DVL1: variants seen among roughly 807,000 people sequenced by gnomAD.
DVL1 encodes the protein dishevelled segment polarity protein 1.
DVL1 carries 49 observed loss-of-function variants against 65.0 expected under a neutral mutation model. The ratio of observed to expected loss-of-function variants is 0.75; its 90% CI spans 0.60 to 0.96. The LOEUF (loss-of-function observed/expected upper bound fraction) is 0.96, where lower values mean the gene tolerates loss of function less well. Ranked by LOEUF, DVL1 falls within the 40% of genes least tolerant of loss-of-function variation. The pLI, the probability that DVL1 is intolerant of heterozygous loss-of-function variation, is 0.00. For missense variants in DVL1, 1,197 were observed against 1,045.4 expected, an observed-to-expected ratio of 1.15 and a Z score of -2.00; for synonymous variants, 608 against 433.9, an observed-to-expected ratio of 1.40 and a Z score of -4.99.
intron 13 of DVL1, 40 bp downstream of exon 13, chr1:1,338,229 T>TGGCCCCCCCCCC: frequency 6.6e-6 from 10 of 1,522,342 alleles, no homozygotes; most frequent in Non-Finnish European, 9.0e-6. Flanking sequence ...CCTCCGGCGT[T>TGGCCCCCCCCCC]CCCCTCCCCC....
intron 1 of DVL1, among the ~76,000 whole-genome samples, chr1:1,346,852 TC>T (rs1485089157): frequency 6.6e-6 from 1 of 151,974 alleles, no homozygotes; most frequent in African/African-American, 2.4e-5. Context: ...TGCCTTCTCT[TC>T]CCCCCATCTC....
intron 1 of DVL1, among the ~76,000 whole-genome samples, chr1:1,347,744 GC>G (rs1643939304): frequency 6.6e-6 from 1 of 152,130 alleles, no homozygotes; most frequent in African/African-American, 2.4e-5. Flanking sequence ...AAAACAAACC[GC>G]CCCCTCCTGC....
chr1:1,347,013 G>A (rs1437612971), intron 1 of DVL1, among the ~76,000 whole-genome samples: 9 of 152,182 alleles, frequency 5.9e-5, no homozygotes, highest in Admixed American at 3.3e-4. Context: ...CAGGGGAAGG[G>A]ATGAAGGAAG....
In DVL1 at chr1:1,349,327, A is replaced by T. The variant is rs1204035887; in HGVS notation, c.-262T>A. ...GAGCGGCGCGAGGGACGCAGCACGGAGGGCGCGCTCAGCCCCGCCGCCCTC... is the reference window on the plus strand; with the variant it reads ...GAGCGGCGCGAGGGACGCAGCACGGTGGGCGCGCTCAGCCCCGCCGCCCTC... On this transcript the variant is annotated 5_prime_UTR_variant, in exon 1 of 15. Coordinates refer to ENST00000378888, the MANE Select transcript of DVL1 (RefSeq NM_001330311.2). This position sits in a 1 kb window ranked among gnomAD's most constrained non-coding sequence, Gnocchi z 4.1. The T allele has an allele frequency of 7.0e-6, 1 of 142,256 alleles. No homozygotes were observed. Among genetic ancestry groups the T allele is most frequent in the African/African-American group, 2.5e-5 (1 of 39,270 alleles). The allele number at this position is 142,256 out of a possible 1,614,324, so 8.8% of individuals were successfully genotyped here.
chr1:1,342,212 C>T (rs774885182), intron 3 of DVL1, 56 bp from the exon 4 acceptor site: 25 of 1,512,112 alleles, frequency 1.7e-5, no homozygotes, highest in South Asian at 2.4e-5. Flanking sequence ...CCTCAGATGC[C>T]GCCCAGCCCA....
rs748722472 is a variant in DVL1, at chr1:1,340,398, C to G, written c.699+12G>C. 2 of 1,611,738 alleles carry G rather than the reference C, an allele frequency of 1.2e-6. No homozygotes were observed. Among genetic ancestry groups the G allele is most frequent in the Non-Finnish European group, 1.7e-6 (2 of 1,179,336 alleles). ...CCTCCCCAGCCCCGCCCTGCTCCAC[C>G]CGGCTGCCTACCCGGTCCGCCTGCC... On this transcript the variant is annotated intron_variant, in intron 6 of 14. Transcript: ENST00000378888.
chr1:1,340,579 A>C (rs1643765024), intron 5 of DVL1, 76 bp from the exon 6 acceptor site: 1 of 1,474,304 alleles, frequency 6.8e-7, no homozygotes, highest in Non-Finnish European at 9.3e-7. Flanking sequence ...CCCAATACTG[A>C]GTGGGAATCG....
In DVL1 at chr1:1,345,455, G is replaced by A. The variant is rs745655746; in HGVS notation, c.171-2697C>T. Among the ~76,000 whole-genome samples the A allele has an allele frequency of 1.2e-3, 177 of 152,314 alleles. 1 individual carries two copies. The highest frequency in any genetic ancestry group is 1.9e-3 in the South Asian group (9 of 4,832). On this transcript the variant is annotated intron_variant, in intron 1 of 14. Coordinates refer to ENST00000378888, the MANE Select transcript of DVL1 (RefSeq NM_001330311.2). ...CCCCAGCCAGATGGGGGAGGGTGCT[G>A]GAGGCTGGCCAGGCATTGGGGGCGT... is the stretch of plus-strand genomic sequence containing the variant.
chr1:1,338,357 G>A lies in DVL1; in HGVS notation c.1419C>T (p.Ser473=). 2 of 1,612,504 alleles carry A rather than the reference G, an allele frequency of 1.2e-6. No homozygotes were observed. The highest frequency in any genetic ancestry group is 2.2e-5 in the South Asian group (2 of 91,084). Reference sequence around the variant, plus strand: ...GCCGCAGGAAGCCGTGCTTCAGCAAGCTGCTGGCGTACTTCCGGGCCTCCC... The same window carrying A: ...GCCGCAGGAAGCCGTGCTTCAGCAAACTGCTGGCGTACTTCCGGGCCTCCC... The part of the protein sequence containing the change: ...ERREARKYAS[S]LLKHGFLRHT... Residue 473 remains serine (S), a synonymous_variant, in exon 13 of 15, where the codon AGC becomes AGT. Transcript: ENST00000378888.
intron 11 of DVL1, 149 bp downstream of exon 11, chr1:1,339,138 C>T (rs891551529): frequency 1.8e-6 from 2 of 1,116,958 alleles, no homozygotes; most frequent in Admixed American, 2.4e-5. Flanking sequence ...GCACGGGTGC[C>T]TGTGCACACG....
chr1:1,342,043 A>C lies in DVL1; in HGVS notation c.466+10T>G. 6.4e-7 allele frequency: 1 copy of C among 1,559,598 alleles called. No homozygotes were observed. Among genetic ancestry groups the C allele is most frequent in the Non-Finnish European group, 8.7e-7 (1 of 1,150,226 alleles). On this transcript the variant is annotated intron_variant, in intron 4 of 14. Coordinates refer to ENST00000378888, the MANE Select transcript of DVL1 (RefSeq NM_001330311.2). ...GGGGGTCCACAGCTGGGCAGACATGACCACTGTACCCTCCTCGCGGTTCCG... is the reference window on the plus strand; with the variant it reads ...GGGGGTCCACAGCTGGGCAGACATGCCCACTGTACCCTCCTCGCGGTTCCG...
rs927377902 is a variant in DVL1 at position 1,342,222 on chromosome 1, A to G, written c.363-66T>C. 12 of 1,508,078 alleles carry G rather than the reference A, an allele frequency of 8.0e-6. No homozygotes were observed. The African/African-American group carries it at 1.7e-4, about 21-fold the overall frequency. The allele number at this position is 1,508,078 out of a possible 1,614,324, so 93.4% of individuals were successfully genotyped here. A position where few individuals can be genotyped will look rare whatever the true frequency, so the allele number is the denominator to read the frequency against. On this transcript the variant is annotated intron_variant, in intron 3 of 14. Transcript: ENST00000378888. ...CAGCCCCTCAGATGCCGCCCAGCCCAGCCTCCCCTCGCCTGTGGGACCCCA... is the reference window on the plus strand; with the variant it reads ...CAGCCCCTCAGATGCCGCCCAGCCCGGCCTCCCCTCGCCTGTGGGACCCCA...
rs1158841864 is a variant in DVL1, at chr1:1,340,256, G to A, written c.760C>T (p.Leu254Phe). ...CGCCCCGAGGCCTCACCCATGTTGAGCGTGACAGTGACGATGTTGAGGGAC... is the reference window on the plus strand; with the variant it reads ...CGCCCCGAGGCCTCACCCATGTTGAACGTGACAGTGACGATGTTGAGGGAC... Reference protein sequence around the residue: ...TMSLNIVTVTLNMERHHFLGI... With the variant: ...TMSLNIVTVTFNMERHHFLGI... The change falls in exon 7 of 15, where the codon CTC becomes TTC. Residue 254 changes from leucine to phenylalanine, a missense_variant. Transcript: ENST00000378888. 1 of 1,614,008 alleles carries A rather than the reference G, an allele frequency of 6.2e-7. No homozygotes were observed. The highest frequency in any genetic ancestry group is 1.1e-5 in the South Asian group (1 of 91,088).
chr1:1,345,898 CCT>C (rs1240319124), intron 1 of DVL1, among the ~76,000 whole-genome samples: 4 of 152,142 alleles, frequency 2.6e-5, no homozygotes, highest in East Asian at 1.9e-4. Flanking sequence ...CCTCCCAACC[CCT>C]GACCCCAGAG....
chr1:1,341,371 G>A (rs561509134), intron 5 of DVL1, among the ~76,000 whole-genome samples: 11 of 151,896 alleles, frequency 7.2e-5, no homozygotes, highest in South Asian at 2.1e-4. Flanking sequence ...AGACACATCC[G>A]CAATGTGAAA....
chr1:1,336,085 C>T lies in DVL1; in HGVS notation c.*57G>A, dbSNP rs1643559860. 1.9e-6 allele frequency: 3 copies of T among 1,542,472 alleles called. No individual in the cohort carries two copies. Among genetic ancestry groups the T allele is most frequent in the African/African-American group, 2.7e-5 (2 of 73,670 alleles). ...CGAAGGCAAGCCCACGCGAGCTCTG[C>T]ATGCGGCAGGACCGCCAGCTCCCCA... On this transcript the variant is annotated 3_prime_UTR_variant, in exon 15 of 15. Coordinates refer to ENST00000378888, the MANE Select transcript of DVL1 (RefSeq NM_001330311.2).
At chr1:1,340,612 C>A in intron 5 of DVL1, 109 bp from the exon 6 acceptor site, 2 of 1,228,740 alleles carry the variant, frequency 1.6e-6, no homozygotes, top group Non-Finnish European at 2.3e-6. Context: ...AGGCTTGTTC[C>A]AAAGCAGGCT....
intron 5 of DVL1, 95 bp downstream of exon 5, chr1:1,341,572 A>G (rs1313033322): frequency 9.7e-6 from 14 of 1,442,680 alleles, no homozygotes; most frequent in Middle Eastern, 3.6e-4. Flanking sequence ...ACACACGTGC[A>G]ATGTGAAAAC....
chr1:1,348,605 T>G (rs1569754843), intron 1 of DVL1, among the ~76,000 whole-genome samples: 1 of 151,828 alleles, frequency 6.6e-6, no homozygotes, highest in African/African-American at 2.4e-5. Flanking sequence ...CCAGCCCCGG[T>G]GGAAGCGATG....
Sources: gnomAD v4.1 joint callset for allele counts (sites outside exome capture counted in the v4.1 genomes callset) on GRCh38, gnomAD v4.1.1 for gene constraint, Gnocchi (gnomAD v3.1) non-coding constraint, MANE v1.5 for transcripts, NCBI Gene and HGNC (gene_info 2026-07-23, HGNC 2026-07-21) for gene names.